RGS6: variants seen among roughly 807,000 people sequenced by gnomAD.
RGS6 encodes regulator of G-protein signaling 6.
RGS6 carries 30 observed loss-of-function variants against 78.5 expected under a neutral mutation model. The ratio of observed to expected loss-of-function variants is 0.38; its 90% CI spans 0.29 to 0.52. The LOEUF is 0.52. RGS6 is among the 20% of genes least tolerant of loss of function. The pLI is 0.85. For missense variants in RGS6, 495 were observed against 609.7 expected, an observed-to-expected ratio of 0.81 and a Z score of 1.98; for synonymous variants, 206 against 206.0, an observed-to-expected ratio of 1.00 and a Z score of 0.00.
chr14:72,357,324 A>G (rs72724092), intron 3 of RGS6, among the ~76,000 whole-genome samples: 18,208 of 152,052 alleles, frequency 0.12, 1,087 homozygotes, highest in East Asian at 0.18. Flanking sequence ...AGGCAGAGGA[A>G]GGAACAGTTT....
intron 14 of RGS6, among the ~76,000 whole-genome samples, chr14:72,512,923 T>A (rs970718204): frequency 6.6e-6 from 1 of 152,224 alleles, no homozygotes; most frequent in Non-Finnish European, 1.5e-5. Flanking sequence ...GCTATACAGA[T>A]GCACCTCCAC....
At chr14:72,397,948 T>A (rs940299669) in intron 3 of RGS6, among the ~76,000 whole-genome samples, 3 of 152,178 alleles carry the variant, frequency 2.0e-5, no homozygotes, top group African/African-American at 7.2e-5. Flanking sequence ...CTGGATTCGG[T>A]TTGCCAGTAT....
At chr14:71,999,117 C>T (rs1164412896) in intron 2 of RGS6, among the ~76,000 whole-genome samples, 1 of 152,122 alleles carries the variant, frequency 6.6e-6, no homozygotes, top group East Asian at 1.9e-4. Flanking sequence ...AGTGATGGGG[C>T]CTAAAGGCCA....
chr14:72,441,988 G>A (rs1036771830), intron 3 of RGS6, among the ~76,000 whole-genome samples: 2 of 152,234 alleles, frequency 1.3e-5, no homozygotes, highest in Non-Finnish European at 2.9e-5. Flanking sequence ...GGAATGCCAT[G>A]AGGCCCAGCC....
At chr14:72,484,470 T>A (rs915424518) in intron 12 of RGS6, among the ~76,000 whole-genome samples, 1 of 152,202 alleles carries the variant, frequency 6.6e-6, no homozygotes, top group African/African-American at 2.4e-5. Flanking sequence ...TCCTAGGCAT[T>A]GCTTAACTCA....
At chr14:72,569,111 G>T (rs1338217032), downstream of RGS6, among the ~76,000 whole-genome samples, 2 of 137,510 alleles carry the variant, frequency 1.5e-5, no homozygotes, top group Non-Finnish European at 3.3e-5. Context: ...GATTCTCTGG[G>T]GTGTGTGTGT....
At chr14:72,451,297 A>C (rs1377257341) in intron 3 of RGS6, among the ~76,000 whole-genome samples, 1 of 152,218 alleles carries the variant, frequency 6.6e-6, no homozygotes, top group Non-Finnish European at 1.5e-5. Flanking sequence ...TGTGGTCTCC[A>C]TGGGGCTAGG....
chr14:71,916,341 TA>T, the RGS6 span, among the ~76,000 whole-genome samples: 1 of 152,228 alleles, frequency 6.6e-6, no homozygotes, highest in Non-Finnish European at 1.5e-5. Flanking sequence ...AAGTTTTCAC[TA>T]GCAGCAATCT....
chr14:72,082,036 A>G (rs1179636479), intron 2 of RGS6, among the ~76,000 whole-genome samples: 1 of 152,054 alleles, frequency 6.6e-6, no homozygotes, highest in Non-Finnish European at 1.5e-5. Context: ...TCATTCAGTT[A>G]TTTCTTAATA....
At chr14:72,256,334 G>C (rs560150544) in intron 2 of RGS6, among the ~76,000 whole-genome samples, 7 of 152,276 alleles carry the variant, frequency 4.6e-5, no homozygotes, top group African/African-American at 1.7e-4. Flanking sequence ...GGTCCAGGTA[G>C]AGTCAGTCAG....
intron 2 of RGS6, among the ~76,000 whole-genome samples, chr14:72,112,113 A>G (rs1470901346): frequency 6.6e-6 from 1 of 152,174 alleles, no homozygotes; most frequent in African/African-American, 2.4e-5. Context: ...TCCCTGTCAC[A>G]TTAGCAGATG....
At chr14:72,539,649 G>A (rs1188028431) in intron 16 of RGS6, among the ~76,000 whole-genome samples, 1 of 152,190 alleles carries the variant, frequency 6.6e-6, no homozygotes, top group Non-Finnish European at 1.5e-5. Flanking sequence ...GGGCCCCAGG[G>A]CCACAACCAC....
chr14:72,239,224 C>T (rs1449153877), intron 2 of RGS6, among the ~76,000 whole-genome samples: 1 of 152,092 alleles, frequency 6.6e-6, no homozygotes, highest in Non-Finnish European at 1.5e-5. Flanking sequence ...TGCACAGTGC[C>T]CTCCTTACCT....
intron 2 of RGS6, among the ~76,000 whole-genome samples, chr14:72,306,960 C>T (rs922932736): frequency 2.0e-5 from 3 of 152,190 alleles, no homozygotes; most frequent in Admixed American, 1.3e-4. Context: ...TACCAAACAG[C>T]ATTGCATGCT....
At chr14:71,893,732 C>T in the RGS6 span, among the ~76,000 whole-genome samples, 3 of 152,142 alleles carry the variant, frequency 2.0e-5, no homozygotes, top group African/African-American at 4.8e-5. Context: ...ATGTACCATA[C>T]ATCACACGTT....
At chr14:72,285,082 G>A (rs1305775892) in intron 2 of RGS6, among the ~76,000 whole-genome samples, 1 of 152,152 alleles carries the variant, frequency 6.6e-6, no homozygotes, top group East Asian at 1.9e-4. Flanking sequence ...TGATTTTACA[G>A]GCTCATAGGC....
chr14:72,251,134 A>AT (rs1489890537), intron 2 of RGS6, among the ~76,000 whole-genome samples: 7 of 152,344 alleles, frequency 4.6e-5, no homozygotes, highest in African/African-American at 1.7e-4. Context: ...TTTATAAATG[A>AT]TTCTCTTTGG....
At chr14:72,369,372 C>T (rs1244695518) in intron 3 of RGS6, among the ~76,000 whole-genome samples, 1 of 152,178 alleles carries the variant, frequency 6.6e-6, no homozygotes, top group Non-Finnish European at 1.5e-5. Context: ...CCTGCCATCA[C>T]CTTGATTGTG....
chr14:71,885,107 C>T, the RGS6 span, among the ~76,000 whole-genome samples: 14 of 152,306 alleles, frequency 9.2e-5, no homozygotes, highest in East Asian at 1.9e-4. Context: ...CCTTCACCCA[C>T]GCTTCCTTTA....
Sources: gnomAD v4.1 joint callset for allele counts (sites outside exome capture counted in the v4.1 genomes callset) on GRCh38, gnomAD v4.1.1 for gene constraint, MANE v1.5 for transcripts, NCBI Gene and HGNC (gene_info 2026-07-23, HGNC 2026-07-21) for gene names.